The following CHODL variants were observed in gnomAD, a reference collection of about 807,000 sequenced individuals.
The protein encoded by CHODL is chondrolectin.
Under a neutral mutation model 34.5 loss-of-function variants are expected in CHODL, and 29 were observed. The observed-to-expected ratio is 0.84, with a 90% CI of 0.63 to 1.15. CHODL has a LOEUF of 1.15. Among genes scored for constraint, CHODL ranks in the 50% most tolerant of loss-of-function variants. CHODL has a pLI of 0.00. For synonymous variants in CHODL, 125 were observed against 116.1 expected (o/e 1.08, Z -0.49); for missense variants, 332 against 332.5 (o/e 1.00, Z 0.01).
At chr21:18,003,109 G>A (rs1249995421) in intron 1 of CHODL, among the ~76,000 whole-genome samples, 1 of 144,366 alleles carries the variant, frequency 6.9e-6, no homozygotes, top group Admixed American at 7.0e-5. Flanking sequence ...GGGCGACAGC[G>A]AGACTCCGTC....
intron 1 of CHODL, among the ~76,000 whole-genome samples, chr21:17,942,276 A>G (rs2063370950): frequency 6.6e-6 from 1 of 152,160 alleles, no homozygotes; most frequent in African/African-American, 2.4e-5. Context: ...TGTAACTCCC[A>G]CAATTCCCAC....
At chr21:18,167,632 A>G (rs771771773) in intron 2 of CHODL, among the ~76,000 whole-genome samples, 1 of 152,162 alleles carries the variant, frequency 6.6e-6, no homozygotes, top group Non-Finnish European at 1.5e-5. Flanking sequence ...TTGAAGGATC[A>G]GCTCTTTGAT....
chr21:18,230,621 AAAG>A (rs1478541267), intron 2 of CHODL, among the ~76,000 whole-genome samples: 1 of 152,248 alleles, frequency 6.6e-6, no homozygotes, highest in Non-Finnish European at 1.5e-5. Flanking sequence ...ATACGAATGC[AAAG>A]AAGAACTTAA....
chr21:18,052,016 A>T (rs554290265), intron 2 of CHODL, among the ~76,000 whole-genome samples: 1 of 152,122 alleles, frequency 6.6e-6, no homozygotes, highest in East Asian at 1.9e-4. Context: ...GTAGGAAAAA[A>T]ATCAGATTAG....
intron 1 of CHODL, among the ~76,000 whole-genome samples, chr21:17,951,972 G>A (rs1256581521): frequency 6.6e-6 from 1 of 152,008 alleles, no homozygotes; most frequent in African/African-American, 2.4e-5. Context: ...AGTGGCTTGT[G>A]CATGTAATCT....
chr21:18,057,305 T>C (rs1239812397), intron 2 of CHODL, among the ~76,000 whole-genome samples: 1 of 152,122 alleles, frequency 6.6e-6, no homozygotes, highest in Non-Finnish European at 1.5e-5. Context: ...TCTCTGTCTC[T>C]ATCTGAAGTG....
At chr21:17,995,143 T>C (rs1455768315) in intron 1 of CHODL, among the ~76,000 whole-genome samples, 1 of 152,026 alleles carries the variant, frequency 6.6e-6, no homozygotes, top group African/African-American at 2.4e-5. Context: ...ATTTGGAAAT[T>C]CAGGGCCTGT....
At chr21:18,100,598 A>G (rs2065201319) in intron 2 of CHODL, among the ~76,000 whole-genome samples, 1 of 152,174 alleles carries the variant, frequency 6.6e-6, no homozygotes, top group African/African-American at 2.4e-5. Flanking sequence ...CTACAAAAAG[A>G]AACAGTTTGA....
At chr21:17,953,934 C>T (rs1176623697) in intron 1 of CHODL, among the ~76,000 whole-genome samples, 6 of 151,898 alleles carry the variant, frequency 4.0e-5, no homozygotes, top group South Asian at 2.1e-4. Context: ...CACTTGAACC[C>T]GGGAGGTGGA....
intron 2 of CHODL, among the ~76,000 whole-genome samples, chr21:18,106,992 GC>G (rs1339054212): frequency 6.6e-6 from 1 of 152,134 alleles, no homozygotes; most frequent in African/African-American, 2.4e-5. Context: ...TTTATTTCCT[GC>G]CCTAGAGAGC....
At chr21:18,208,867 C>T (rs79508952) in intron 2 of CHODL, among the ~76,000 whole-genome samples, 2,534 of 137,170 alleles carry the variant, frequency 0.018, 75 homozygotes, top group African/African-American at 0.07. Flanking sequence ...CTCTCTCTGT[C>T]CCCCCCACCC....
At chr21:18,001,398 G>A (rs1447034694) in intron 1 of CHODL, among the ~76,000 whole-genome samples, 1 of 152,224 alleles carries the variant, frequency 6.6e-6, no homozygotes, top group African/African-American at 2.4e-5. Flanking sequence ...TCCTGTGAGT[G>A]TGTTTAAAGG....
At chr21:17,978,251 GTC>G (rs1568826951) in intron 1 of CHODL, among the ~76,000 whole-genome samples, 2 of 151,762 alleles carry the variant, frequency 1.3e-5, no homozygotes, top group African/African-American at 4.8e-5. Context: ...GTGAAACCCT[GTC>G]TCTACTAAAA....
intron 2 of CHODL, among the ~76,000 whole-genome samples, chr21:18,085,676 C>T (rs1282610166): frequency 6.6e-6 from 1 of 152,198 alleles, no homozygotes; most frequent in Non-Finnish European, 1.5e-5. Context: ...TTGAAAATGT[C>T]ATTCCATTCT....
chr21:17,923,399 T>C (rs2063198166), intron 1 of CHODL, among the ~76,000 whole-genome samples: 1 of 127,080 alleles, frequency 7.9e-6, no homozygotes, highest in South Asian at 3.1e-4. Flanking sequence ...AGTAAAAAGA[T>C]GTTAACAACT....
chr21:18,168,814 T>G (rs966167090), intron 2 of CHODL, among the ~76,000 whole-genome samples: 1 of 152,200 alleles, frequency 6.6e-6, no homozygotes, highest in Non-Finnish European at 1.5e-5. Flanking sequence ...TGCACTTTTA[T>G]GTAATGTCTA....
chr21:18,172,198 T>C (rs1331226930), intron 2 of CHODL, among the ~76,000 whole-genome samples: 1 of 152,204 alleles, frequency 6.6e-6, no homozygotes, highest in Non-Finnish European at 1.5e-5. Context: ...CCAGTTATTA[T>C]CCCTGCTTTA....
intron 3 of CHODL, 53 bp downstream of exon 3, chr21:18,257,180 TAA>T (rs2074328576): frequency 2.0e-6 from 3 of 1,494,896 alleles, no homozygotes; most frequent in South Asian, 1.3e-5. Flanking sequence ...TTAATTGTAT[TAA>T]GTTTTGTCTT....
intron 2 of CHODL, among the ~76,000 whole-genome samples, chr21:18,057,895 A>G (rs1025713455): frequency 1.3e-5 from 2 of 152,158 alleles, no homozygotes; most frequent in Non-Finnish European, 2.9e-5. Context: ...ATATTTTGAT[A>G]TATGTATATA....
Sources: gnomAD v4.1 joint callset for allele counts (sites outside exome capture counted in the v4.1 genomes callset) on GRCh38, gnomAD v4.1.1 for gene constraint, MANE v1.5 for transcripts, NCBI Gene and HGNC (gene_info 2026-07-23, HGNC 2026-07-21) for gene names.